STK32B: variants seen among roughly 807,000 people sequenced by gnomAD.
STK32B encodes serine/threonine kinase 32B.
Under a neutral mutation model 52.6 loss-of-function variants are expected in STK32B, and 43 were observed. The ratio of observed to expected loss-of-function variants is 0.82; its 90% CI spans 0.64 to 1.05. The LOEUF is 1.05. Ranked by LOEUF, STK32B falls within the 50% of genes least tolerant of loss-of-function variation. The pLI is 0.00. For missense variants in STK32B, 621 were observed against 534.6 expected (o/e 1.16, Z -1.59); for synonymous variants, 238 against 204.3 (o/e 1.17, Z -1.41).
chr4:5,139,063 G>A (rs1716245986), intron 1 of STK32B, among the ~76,000 whole-genome samples: 2 of 152,194 alleles, frequency 1.3e-5, no homozygotes, highest in African/African-American at 4.8e-5. Context: ...GATGTTGGGA[G>A]GCCACCATAG....
At chr4:5,352,076 ACT>A (rs1478366218) in intron 4 of STK32B, among the ~76,000 whole-genome samples, 1 of 152,036 alleles carries the variant, frequency 6.6e-6, no homozygotes, top group Non-Finnish European at 1.5e-5. Context: ...AGAGAAAGAA[ACT>A]CTCCCTAACA....
At chr4:5,282,955 A>G (rs1376517460) in intron 3 of STK32B, among the ~76,000 whole-genome samples, 1 of 152,192 alleles carries the variant, frequency 6.6e-6, no homozygotes, top group Non-Finnish European at 1.5e-5. Context: ...GATAAGAGGG[A>G]AACTACAGTA....
chr4:5,472,268 T>C (rs952209670), intron 11 of STK32B, among the ~76,000 whole-genome samples: 1 of 152,202 alleles, frequency 6.6e-6, no homozygotes, highest in African/African-American at 2.4e-5. Flanking sequence ...CAGTGCGGTG[T>C]GTGCCGTGAA....
At position 5,105,424 on chromosome 4, in the gene STK32B, A is replaced by T. The variant is rs532776131; in HGVS notation, c.53-34481A>T. ...AAATACCTATTTAGTCTCTTTTCTA[A>T]TTTTTCTATTGAGTTTATCTTTCTT... is the stretch of plus-strand genomic sequence containing the variant. On this transcript the variant is annotated intron_variant, in intron 1 of 11. Transcript: ENST00000282908. Among the ~76,000 whole-genome samples the T allele has an allele frequency of 5.3e-5, 8 of 152,124 alleles. 1 individual carries two copies. In the South Asian group the frequency reaches 1.7e-3, roughly 32 times the overall value.
chr4:5,190,966 G>A (rs1553847466), intron 3 of STK32B, among the ~76,000 whole-genome samples: 9 of 152,108 alleles, frequency 5.9e-5, no homozygotes, highest in Non-Finnish European at 1.3e-4. Context: ...TCTCTACAAC[G>A]TAACACTGCC....
At chr4:5,110,519 A>G (rs1183367284) in intron 1 of STK32B, among the ~76,000 whole-genome samples, 1 of 152,110 alleles carries the variant, frequency 6.6e-6, no homozygotes, top group African/African-American at 2.4e-5. Context: ...AAGACATCCT[A>G]TTCAATAAAT....
chr4:5,498,259 A>T (rs1409963625), intron 11 of STK32B, among the ~76,000 whole-genome samples: 2 of 152,218 alleles, frequency 1.3e-5, no homozygotes, highest in African/African-American at 4.8e-5. Context: ...TAACTTGAAG[A>T]TCAGAAACAG....
At chr4:5,115,657 G>C (rs530018448) in intron 1 of STK32B, among the ~76,000 whole-genome samples, 1 of 151,148 alleles carries the variant, frequency 6.6e-6, no homozygotes. Context: ...CCCCAGCCCA[G>C]GGAGGAGTTT....
chr4:5,171,383 A>T (rs1719359788), intron 3 of STK32B, among the ~76,000 whole-genome samples: 1 of 151,770 alleles, frequency 6.6e-6, no homozygotes, highest in Non-Finnish European at 1.5e-5. Context: ...GTCCTTGCCC[A>T]TGCCTATGTC....
At chr4:5,064,083 T>G (rs185689638) in intron 1 of STK32B, among the ~76,000 whole-genome samples, 1 of 152,094 alleles carries the variant, frequency 6.6e-6, no homozygotes. Flanking sequence ...TATTTTATTC[T>G]GTTTTGCAAT....
chr4:5,335,924 G>A (rs537666937), intron 4 of STK32B, among the ~76,000 whole-genome samples: 5 of 151,722 alleles, frequency 3.3e-5, no homozygotes, highest in African/African-American at 1.2e-4. Flanking sequence ...TGGAATAGGT[G>A]TGGTGTGGTG....
intron 3 of STK32B, among the ~76,000 whole-genome samples, chr4:5,312,959 CT>C (rs1730407040): frequency 6.6e-6 from 1 of 151,946 alleles, no homozygotes. Flanking sequence ...CCTGTGCATA[CT>C]TTTAAATTCA....
At chr4:5,339,336 C>G (rs1732918256) in intron 4 of STK32B, among the ~76,000 whole-genome samples, 1 of 152,118 alleles carries the variant, frequency 6.6e-6, no homozygotes, top group African/African-American at 2.4e-5. Flanking sequence ...CTGGAGAACC[C>G]TGACTACTGC....
At chr4:5,151,795 T>C (rs1351792955) in intron 2 of STK32B, among the ~76,000 whole-genome samples, 1 of 152,158 alleles carries the variant, frequency 6.6e-6, no homozygotes, top group Non-Finnish European at 1.5e-5. Flanking sequence ...ATCTGTAAAA[T>C]GGAAAGGGAA....
chr4:5,468,658 C>G (rs1392275661), intron 11 of STK32B, among the ~76,000 whole-genome samples: 2 of 152,178 alleles, frequency 1.3e-5, no homozygotes, highest in African/African-American at 2.4e-5. Flanking sequence ...AAAAGAGACA[C>G]AGGGAATCTG....
chr4:5,369,262 C>T (rs1432810097), intron 4 of STK32B, among the ~76,000 whole-genome samples: 1 of 151,758 alleles, frequency 6.6e-6, no homozygotes, highest in East Asian at 1.9e-4. Context: ...GAGCCTGGTT[C>T]CCCCAAAGAT....
chr4:5,093,329 A>C (rs1577063370), intron 1 of STK32B, among the ~76,000 whole-genome samples: 1 of 152,204 alleles, frequency 6.6e-6, no homozygotes, highest in African/African-American at 2.4e-5. Flanking sequence ...AAATATGAAG[A>C]TGCTGTATTA....
At chr4:5,287,291 T>A (rs928243377) in intron 3 of STK32B, among the ~76,000 whole-genome samples, 4 of 148,640 alleles carry the variant, frequency 2.7e-5, no homozygotes, top group Admixed American at 6.6e-5. Flanking sequence ...AGTCACTCTT[T>A]CTTTAGCCAT....
At chr4:5,163,538 C>CTGTGTGTGTGTGTGTGTGTGTG (rs3077842) in intron 2 of STK32B, among the ~76,000 whole-genome samples, 5 of 139,336 alleles carry the variant, frequency 3.6e-5, no homozygotes, top group Admixed American at 2.1e-4. Context: ...AGAGTGAAGG[C>CTGTGTGTGTGTGTGTGTGTGTG]TGTGTGTGTG....
Sources: gnomAD v4.1 joint callset for allele counts (sites outside exome capture counted in the v4.1 genomes callset) on GRCh38, gnomAD v4.1.1 for gene constraint, MANE v1.5 for transcripts, NCBI Gene and HGNC (gene_info 2026-07-23, HGNC 2026-07-21) for gene names.